SOCS4: variants seen among roughly 807,000 people sequenced by gnomAD.
The protein encoded by SOCS4 is SH2 domain containing SOCS box protein.
Under a neutral mutation model 34.1 loss-of-function variants are expected in SOCS4, and 20 were observed. The ratio of observed to expected loss-of-function variants is 0.59; its 90% CI spans 0.41 to 0.85. The LOEUF (loss-of-function observed/expected upper bound fraction) is 0.85. SOCS4 is among the 40% of genes least tolerant of loss of function. The pLI is 0.00. For missense variants in SOCS4, 479 were observed against 532.4 expected, an observed-to-expected ratio of 0.90 and a Z score of 0.99; for synonymous variants, 180 against 186.4, an observed-to-expected ratio of 0.97 and a Z score of 0.28.
In SOCS4 at chr14:55,047,660, ACTT is replaced by A. The variant is rs918602831; in HGVS notation, c.*3300_*3302del. The A allele has an allele frequency of 4.2e-5, 7 of 167,094 alleles. No homozygotes were observed. The highest frequency in any genetic ancestry group is 1.4e-4 in the African/African-American group (6 of 41,450). The allele number at this position is 167,094 out of a possible 1,614,324, so 10.4% of individuals were successfully genotyped here. ...AGAATGGCTTTCAGTTAAAGTTTTG[ACTT>A]CTTATTATAAATAATATAAAGAATG... On this transcript the variant is annotated 3_prime_UTR_variant, in exon 3 of 3. Transcript: ENST00000555846.
At chr14:55,040,638 G>A (rs948517756) in intron 2 of SOCS4, among the ~76,000 whole-genome samples, 1 of 151,998 alleles carries the variant, frequency 6.6e-6, no homozygotes, top group Admixed American at 6.5e-5. Context: ...CAGCTACTCG[G>A]GAGGCTGAGG....
rs1400802610 is a variant in SOCS4 at position 55,045,664 on chromosome 14, T to G, written c.*1300T>G. The G allele has an allele frequency of 1.8e-5, 3 of 166,904 alleles. No homozygotes were observed. The Admixed American group carries it at 2.0e-4, about 11-fold the overall frequency. 10.3% of individuals were successfully genotyped at this position (166,904 alleles called of 1,614,324 possible). A position where few individuals can be genotyped will look rare whatever the true frequency, so the allele number is the denominator to read the frequency against. ...GCCCAAAGTAACTAGTAAAAATAAA[T>G]GGAGTGGTATCCTATCTTCTTTTTT... On this transcript the variant is annotated 3_prime_UTR_variant, in exon 3 of 3. Coordinates refer to ENST00000555846, the MANE Select transcript of SOCS4 (RefSeq NM_199421.2).
intron 2 of SOCS4, among the ~76,000 whole-genome samples, chr14:55,039,634 C>T (rs562217067): frequency 9.2e-5 from 14 of 152,350 alleles, no homozygotes; most frequent in Admixed American, 8.5e-4. Context: ...TGGCGCATGC[C>T]TGTAATCCCA....
chr14:55,042,775 A>G (rs2042631485), intron 2 of SOCS4, among the ~76,000 whole-genome samples, 177 bp from the exon 3 acceptor site: 1 of 152,212 alleles, frequency 6.6e-6, no homozygotes. Flanking sequence ...TATCATGTAT[A>G]TTATATAATA....
At position 55,046,412 on chromosome 14, in the gene SOCS4, T is replaced by G. The variant is rs2140251729; in HGVS notation, c.*2048T>G. 6.0e-6 allele frequency: 1 copy of G among 167,082 alleles called. No individual in the cohort carries two copies. The highest frequency in any genetic ancestry group is 2.1e-4 in the South Asian group (1 of 4,824). The allele number at this position is 167,082 out of a possible 1,614,324, so 10.3% of individuals were successfully genotyped here. The stretch of plus-strand genomic sequence containing the variant: ...AATATTTTTCTTTTAAAAATAACTT[T>G]TTATCAGTACAGAAAAACCTAAGGG... On this transcript the variant is annotated 3_prime_UTR_variant, in exon 3 of 3. Coordinates refer to ENST00000555846, the MANE Select transcript of SOCS4 (RefSeq NM_199421.2).
At chr14:55,041,995 T>G (rs2340939) in intron 2 of SOCS4, among the ~76,000 whole-genome samples, 151,707 of 151,708 alleles carry the variant, frequency 1, 75,853 homozygotes, top group Non-Finnish European at 1. Flanking sequence ...GTTTCACTGT[T>G]TTGGCCAGGC....
chr14:55,032,006 C>G lies in SOCS4; in HGVS notation c.-91+15C>G, dbSNP rs911701408. 1 of 152,144 alleles carries G rather than the reference C, an allele frequency of 6.6e-6. No individual in the cohort carries two copies. Among genetic ancestry groups the G allele is most frequent in the African/African-American group, 2.4e-5 (1 of 41,424 alleles). The allele number at this position is 152,144 out of a possible 1,614,324, so 9.4% of individuals were successfully genotyped here. On this transcript the variant is annotated intron_variant, in intron 2 of 2. Coordinates refer to ENST00000555846, the MANE Select transcript of SOCS4 (RefSeq NM_199421.2). ...CATGATGGCAGGTAAACTTTGGAAT[C>G]ATGAATTTCGTAGGGAAAGTCCCCA... is the stretch of plus-strand genomic sequence containing the variant.
At chr14:55,041,588 C>T (rs889704860) in intron 2 of SOCS4, among the ~76,000 whole-genome samples, 17 of 151,462 alleles carry the variant, frequency 1.1e-4, no homozygotes, top group African/African-American at 4.1e-4. Flanking sequence ...AAGCAGTTCT[C>T]CTCAGCCTCC....
intron 1 of SOCS4, among the ~76,000 whole-genome samples, chr14:55,031,518 CT>C (rs1191039509): frequency 1.3e-5 from 2 of 152,150 alleles, no homozygotes; most frequent in African/African-American, 4.8e-5. Flanking sequence ...ACAAGAGAAC[CT>C]TTTTTTCTCC....
In SOCS4 at chr14:55,041,429, G is replaced by A. The variant is rs1220173521; in HGVS notation, c.-90-1523G>A. ...TTGTTGCAAAATTTATTTTTCATTT[G>A]TAAAATATTTGAGATTATAGGACCC... On this transcript the variant is annotated intron_variant, in intron 2 of 2. Transcript: ENST00000555846. Among the ~76,000 whole-genome samples the A allele has an allele frequency of 1.1e-4, 6 of 55,502 alleles. No individual in the cohort carries two copies. In the East Asian group the frequency reaches 1.6e-3, roughly 14 times the overall value. 36.4% of individuals were successfully genotyped at this position (55,502 alleles called of 152,430 possible).
intron 2 of SOCS4, among the ~76,000 whole-genome samples, chr14:55,041,998 G>A (rs1350074173): frequency 6.6e-6 from 1 of 151,160 alleles, no homozygotes; most frequent in Non-Finnish European, 1.5e-5. Flanking sequence ...TCACTGTTTT[G>A]GCCAGGCTGG....
Position 55,043,020 on chromosome 14 carries a change from A to G in SOCS4, c.-22A>G. The G allele has an allele frequency of 1.3e-6, 2 of 1,580,560 alleles. No individual in the cohort carries two copies. Among genetic ancestry groups the G allele is most frequent in the Non-Finnish European group, 1.7e-6 (2 of 1,162,268 alleles). On this transcript the variant is annotated 5_prime_UTR_variant, in exon 3 of 3. Transcript: ENST00000555846. ...ATGAAAAAGCAGTATTTATAACATT[A>G]GAATCTGGATAATTTGTTAACATGG...
intron 2 of SOCS4, among the ~76,000 whole-genome samples, chr14:55,032,886 C>T (rs1431092289): frequency 2.0e-5 from 3 of 152,072 alleles, no homozygotes; most frequent in African/African-American, 7.2e-5. Context: ...GGGTTCATGC[C>T]ATTCTCCTGC....
rs551287936 is a variant in SOCS4, at chr14:55,046,461, T to C, written c.*2097T>C. ...GGATGACTAGCTTACAAATATTCTGTTAAGGGGTAGTTTTATAAAGAAAAA... is the reference window on the plus strand; with the variant it reads ...GGATGACTAGCTTACAAATATTCTGCTAAGGGGTAGTTTTATAAAGAAAAA... On this transcript the variant is annotated 3_prime_UTR_variant, in exon 3 of 3. Coordinates refer to ENST00000555846, the MANE Select transcript of SOCS4 (RefSeq NM_199421.2). 1 of 167,064 alleles carries C rather than the reference T, an allele frequency of 6.0e-6. No homozygotes were observed. Among genetic ancestry groups the C allele is most frequent in the East Asian group, 1.9e-4 (1 of 5,200 alleles). The allele number at this position is 167,064 out of a possible 1,614,324, so 10.3% of individuals were successfully genotyped here.
rs189526208 is a variant in SOCS4 at position 55,044,395 on chromosome 14, T to C, written c.*31T>C. Reference sequence around the variant, plus strand: ...GGATGGGAACATGGGAATGATAATATATATTTTTTCTTTTAATATTTTATT... The same window carrying C: ...GGATGGGAACATGGGAATGATAATACATATTTTTTCTTTTAATATTTTATT... On this transcript the variant is annotated 3_prime_UTR_variant, in exon 3 of 3. Transcript: ENST00000555846. 740 of 1,356,038 alleles carry C rather than the reference T, an allele frequency of 5.5e-4. 7 individuals are homozygous for C. In the African/African-American group the frequency reaches 9.7e-3, roughly 18 times the overall value. 84.0% of individuals were successfully genotyped at this position (1,356,038 alleles called of 1,614,324 possible).
At chr14:55,041,937 G>T (rs141156614) in intron 2 of SOCS4, among the ~76,000 whole-genome samples, 1,983 of 151,516 alleles carry the variant, frequency 0.013, 42 homozygotes, top group Middle Eastern at 0.054. Flanking sequence ...GATTACAGGC[G>T]TGCGCCGTTG....
At chr14:55,027,932 T>C (rs991664593) in intron 1 of SOCS4, among the ~76,000 whole-genome samples, 3 of 152,258 alleles carry the variant, frequency 2.0e-5, no homozygotes, top group Non-Finnish European at 2.9e-5. Context: ...ATTTGATCCA[T>C]GCAATATCTG....
chr14:55,033,632 T>C (rs894945274), intron 2 of SOCS4, among the ~76,000 whole-genome samples: 2 of 152,244 alleles, frequency 1.3e-5, no homozygotes, highest in Non-Finnish European at 2.9e-5. Flanking sequence ...ATTTCAGTAA[T>C]GGTTATGAAA....
chr14:55,043,125 C>T lies in SOCS4; in HGVS notation c.84C>T (p.Asp28=), dbSNP rs769168455. ...GGAGCAGAAGTGCCGACAGAAAAGA[C>T]GGTTATGTGTGGAGTGGAAAGAAGT... ...TSRSRSADRK[D]GYVWSGKKLS... Residue 28 remains aspartate (D), a synonymous_variant, in exon 3 of 3, where the codon GAC becomes GAT. Transcript: ENST00000555846. 40 of 1,613,940 alleles carry T rather than the reference C, an allele frequency of 2.5e-5. No individual in the cohort carries two copies. The highest frequency in any genetic ancestry group is 9.3e-5 in the African/African-American group (7 of 74,876).
Sources: allele counts gnomAD v4.1 joint callset (sites outside exome capture counted in the v4.1 genomes callset), GRCh38; gene constraint gnomAD v4.1.1; transcripts MANE v1.5; gene names NCBI Gene and HGNC (gene_info 2026-07-23, HGNC 2026-07-21).